Variants in COL24A1 observed in about 807,000 individuals in gnomAD.
COL24A1 encodes collagen type XXIV alpha 1 chain.
A neutral mutation model predicts 253.9 loss-of-function variants in COL24A1; 224 were observed. That is an observed-to-expected ratio of 0.88 (90% confidence interval 0.79 to 0.99). The LOEUF (loss-of-function observed/expected upper bound fraction) is 0.99. Among genes scored for constraint, COL24A1 ranks in the 50% least tolerant of loss-of-function variants. The pLI is 0.00. For synonymous variants in COL24A1, 685 were observed against 673.7 expected (o/e 1.02, Z -0.26); for missense variants, 2,131 against 2,068.5 (o/e 1.03, Z -0.59).
At chr1:86,129,609 G>A (rs777591512) in intron 2 of COL24A1, among the ~76,000 whole-genome samples, 9 of 151,512 alleles carry the variant, frequency 5.9e-5, no homozygotes, top group Non-Finnish European at 1.3e-4. Context: ...TTTCATTTTT[G>A]TTGTTTTCTG....
Position 85,784,352 on chromosome 1 carries a change from T to C in COL24A1, c.4074A>G (p.Leu1358=), listed in dbSNP as rs941654153. 6.2e-7 allele frequency: 1 copy of C among 1,613,640 alleles called. No individual in the cohort carries two copies. The highest frequency in any genetic ancestry group is 1.7e-5 in the Admixed American group (1 of 59,958). ...GIQGPKGEQG[L]PGQPGIQGKR... is the part of the protein sequence containing the mutation. ...TACCTTGAATTCCAGGTTGACCAGGTAGCCCTTGTTCACCCTATGGGTAGA... is the reference window on the plus strand; with the variant it reads ...TACCTTGAATTCCAGGTTGACCAGGCAGCCCTTGTTCACCCTATGGGTAGA... Residue 1358 remains leucine, a synonymous_variant, in exon 49 of 60, where the codon CTA becomes CTG. Transcript: ENST00000370571.
chr1:85,852,666 C>T (rs1371346784), intron 37 of COL24A1, among the ~76,000 whole-genome samples: 1 of 143,566 alleles, frequency 7.0e-6, no homozygotes, highest in Non-Finnish European at 1.6e-5. Flanking sequence ...TCTTTAATTG[C>T]AAAAATTTTC....
chr1:86,124,683 A>G (rs1234745073), intron 3 of COL24A1, among the ~76,000 whole-genome samples, 162 bp downstream of exon 3: 1 of 152,034 alleles, frequency 6.6e-6, no homozygotes, highest in Non-Finnish European at 1.5e-5. Context: ...CAGATATGTT[A>G]CAGCAACCAT....
chr1:86,038,634 A>G (rs1559087090), intron 12 of COL24A1, among the ~76,000 whole-genome samples: 1 of 152,166 alleles, frequency 6.6e-6, no homozygotes, highest in Non-Finnish European at 1.5e-5. Flanking sequence ...AGAATATAGA[A>G]GTGACAATGT....
At chr1:85,842,461 C>T (rs534413120) in intron 39 of COL24A1, 68 bp from the exon 40 acceptor site, 353 of 1,054,110 alleles carry the variant, frequency 3.3e-4, no homozygotes, top group Admixed American at 5.1e-4. Flanking sequence ...TAGACTTCTA[C>T]TCCTATTGTT....
chr1:85,991,657 A>G lies in COL24A1; in HGVS notation c.2311-4003T>C, dbSNP rs183414787. ...GGTGACTTCTGGGTAAACATGCAAC[A>G]CTGAATATACGTGTGAATCTCTGCT... On this transcript the variant is annotated intron_variant, in intron 19 of 59. Transcript: ENST00000370571. Among the ~76,000 whole-genome samples the G allele has an allele frequency of 4.5e-3, 685 of 152,312 alleles. 5 individuals are homozygous for G. The highest frequency in any genetic ancestry group is 7.3e-3 in the Non-Finnish European group (497 of 68,034).
intron 13 of COL24A1, among the ~76,000 whole-genome samples, chr1:86,033,373 T>C (rs1041990989): frequency 3.9e-5 from 6 of 152,142 alleles, no homozygotes; most frequent in Admixed American, 3.3e-4. Context: ...CGCCAAAAAA[T>C]AGCAATCCAT....
At chr1:85,943,579 A>C (rs1688955258) in intron 24 of COL24A1, among the ~76,000 whole-genome samples, 1 of 152,228 alleles carries the variant, frequency 6.6e-6, no homozygotes, top group Non-Finnish European at 1.5e-5. Flanking sequence ...GTGAAAGAGA[A>C]AAGTTTAAAA....
chr1:85,731,655 G>A (rs537508314), intron 59 of COL24A1, among the ~76,000 whole-genome samples: 27 of 152,214 alleles, frequency 1.8e-4, no homozygotes, highest in African/African-American at 6.0e-4. Flanking sequence ...TGAAATACAC[G>A]ATGAATACAA....
intron 14 of COL24A1, chr1:86,029,744 C>T (rs1698384161): frequency 6.6e-6 from 1 of 151,618 alleles, no homozygotes. Context: ...GCCTCCTAAA[C>T]AGCAGAGACT....
intron 5 of COL24A1, among the ~76,000 whole-genome samples, chr1:86,100,259 A>G (rs1704334391): frequency 6.6e-6 from 1 of 152,130 alleles, no homozygotes; most frequent in Admixed American, 6.5e-5. Flanking sequence ...TTGTTTTTCA[A>G]TGTTTTCATC....
intron 32 of COL24A1, among the ~76,000 whole-genome samples, chr1:85,889,303 TA>T (rs1013293736): frequency 2.0e-5 from 3 of 152,212 alleles, no homozygotes; most frequent in African/African-American, 7.2e-5. Context: ...TGAGATTCAA[TA>T]AAACAGAGTT....
chr1:85,861,239 G>A (rs1570956422), intron 37 of COL24A1, among the ~76,000 whole-genome samples: 1 of 152,026 alleles, frequency 6.6e-6, no homozygotes, highest in Non-Finnish European at 1.5e-5. Flanking sequence ...ATGATATTGA[G>A]CATCTTTTCA....
chr1:86,070,875 C>G (rs1302254314), intron 7 of COL24A1, among the ~76,000 whole-genome samples: 1 of 151,754 alleles, frequency 6.6e-6, no homozygotes, highest in African/African-American at 2.4e-5. Context: ...TGTTACTGAG[C>G]AAGAAGAAAC....
Position 86,050,125 on chromosome 1 carries a change from C to G in COL24A1, c.1904G>C (p.Arg635Pro), listed in dbSNP as rs75596213. The change falls in exon 11 of 60, where the codon CGG becomes CCG. Residue 635 changes from arginine to proline, a missense_variant and splice_region_variant. Arg to Pro is a moderately radical substitution (Grantham distance 103, BLOSUM62 -2). Coordinates refer to ENST00000370571, the MANE Select transcript of COL24A1 (RefSeq NM_152890.7). Reference sequence around the variant, plus strand: ...ACTATTTGAAGGGAATGGACTTACCCGTTCTCCTTCAGGTCCCAGTTGTCC... The same window carrying G: ...ACTATTTGAAGGGAATGGACTTACCGGTTCTCCTTCAGGTCCCAGTTGTCC... ...EAGQLGPEGERGIPGIRGKKG... is the reference protein window; with the variant it reads ...EAGQLGPEGEPGIPGIRGKKG... 6.2e-7 allele frequency: 1 copy of G among 1,612,836 alleles called. No homozygotes were observed. The highest frequency in any genetic ancestry group is 1.7e-5 in the Admixed American group (1 of 59,988).
intron 19 of COL24A1, among the ~76,000 whole-genome samples, chr1:86,015,795 T>C (rs913939979): frequency 2.6e-5 from 4 of 152,118 alleles, no homozygotes; most frequent in African/African-American, 9.6e-5. Flanking sequence ...ATCAGAATGC[T>C]GAGATCAATA....
At chr1:86,010,563 T>C (rs1696395294) in intron 19 of COL24A1, among the ~76,000 whole-genome samples, 1 of 152,150 alleles carries the variant, frequency 6.6e-6, no homozygotes, top group Non-Finnish European at 1.5e-5. Context: ...AACAATATCT[T>C]CTTTCGACAT....
intron 33 of COL24A1, 70 bp downstream of exon 33, chr1:85,877,052 A>G (rs886542995): frequency 1.4e-4 from 151 of 1,080,148 alleles, no homozygotes; most frequent in Admixed American, 2.3e-4. Context: ...ATATTTAATT[A>G]TTAATTTTAC....
intron 24 of COL24A1, among the ~76,000 whole-genome samples, chr1:85,948,497 C>T (rs1408192164): frequency 3.0e-5 from 4 of 132,104 alleles, no homozygotes; most frequent in Non-Finnish European, 6.2e-5. Flanking sequence ...GCACTCCAGC[C>T]TGGGCGACAG....
Sources: gnomAD v4.1 joint callset for allele counts (sites outside exome capture counted in the v4.1 genomes callset) on GRCh38, gnomAD v4.1.1 for gene constraint, MANE v1.5 for transcripts, NCBI Gene and HGNC (gene_info 2026-07-23, HGNC 2026-07-21) for gene names.